FOXN3: variants seen among roughly 807,000 people sequenced by gnomAD.
The protein encoded by FOXN3 is forkhead box protein N3.
Under a neutral mutation model 38.4 loss-of-function variants are expected in FOXN3, and 7 were observed. The ratio of observed to expected loss-of-function variants is 0.18; its 90% CI spans 0.10 to 0.34. The LOEUF (loss-of-function observed/expected upper bound fraction) is 0.34. Among genes scored for constraint, FOXN3 ranks in the 10% least tolerant of loss-of-function variants. The probability of loss-of-function intolerance (pLI) is 1.00; values close to 1 mark genes in which losing one functional copy is unlikely to be tolerated. For synonymous variants in FOXN3, 230 were observed against 242.2 expected, an observed-to-expected ratio of 0.95 and a Z score of 0.47; for missense variants, 456 against 613.4, an observed-to-expected ratio of 0.74 and a Z score of 2.71.
At chr14:89,446,362 T>C (rs1892500502) in intron 1 of FOXN3, among the ~76,000 whole-genome samples, 1 of 151,806 alleles carries the variant, frequency 6.6e-6, no homozygotes, top group East Asian at 1.9e-4. Context: ...CTAATTTTTG[T>C]GTTTTTGGTA....
chr14:89,284,334 A>G (rs1886550520), intron 3 of FOXN3: 2 of 388,594 alleles, frequency 5.1e-6, no homozygotes, highest in Non-Finnish European at 1.0e-5. Context: ...ATAGGGAGAC[A>G]GACAGAGGTC....
chr14:89,362,152 T>A (rs1196071059), intron 2 of FOXN3, among the ~76,000 whole-genome samples: 3 of 14,776 alleles, frequency 2.0e-4, no homozygotes, highest in Admixed American at 1.0e-3. Context: ...CAGCACCACC[T>A]CCACCACCAC....
chr14:89,183,817 C>T (rs1163639395), intron 4 of FOXN3: 1 of 152,164 alleles, frequency 6.6e-6, no homozygotes, highest in Admixed American at 6.5e-5. Context: ...CCCTGCGCTG[C>T]AGCAGCTGAC....
At chr14:89,345,562 C>T (rs753782435) in intron 3 of FOXN3, among the ~76,000 whole-genome samples, 9 of 152,026 alleles carry the variant, frequency 5.9e-5, no homozygotes, top group African/African-American at 1.9e-4. Flanking sequence ...GTGGTGATTT[C>T]GGAGATTTTA....
chr14:89,420,654 T>C (rs1891879235), upstream of FOXN3, among the ~76,000 whole-genome samples: 1 of 152,214 alleles, frequency 6.6e-6, no homozygotes, highest in African/African-American at 2.4e-5. Flanking sequence ...ACTCATTCAC[T>C]GAACAAATAT....
chr14:89,506,913 G>A (rs1263093323), intron 1 of FOXN3, among the ~76,000 whole-genome samples: 1 of 152,150 alleles, frequency 6.6e-6, no homozygotes. Context: ...TTGTTAAACA[G>A]ATGCTTGAAG....
At chr14:89,426,912 A>G (rs1176606439) in intron 1 of FOXN3, among the ~76,000 whole-genome samples, 1 of 152,030 alleles carries the variant, frequency 6.6e-6, no homozygotes, top group Non-Finnish European at 1.5e-5. Context: ...CGTGGGGTAC[A>G]AGGGAGACAA....
chr14:89,600,033 T>C (rs1054631219), intron 1 of FOXN3, among the ~76,000 whole-genome samples: 1 of 152,244 alleles, frequency 6.6e-6, no homozygotes, highest in Non-Finnish European at 1.5e-5. Context: ...AACCCAGATC[T>C]TGGTTCTGCA....
chr14:89,519,832 T>C (rs564686273), intron 1 of FOXN3, among the ~76,000 whole-genome samples: 1 of 152,172 alleles, frequency 6.6e-6, no homozygotes, highest in East Asian at 1.9e-4. Flanking sequence ...AGCAGCATAG[T>C]TTCTCTTGCA....
chr14:89,315,061 G>A (rs1446760932), intron 3 of FOXN3, among the ~76,000 whole-genome samples: 1 of 151,990 alleles, frequency 6.6e-6, no homozygotes, highest in Admixed American at 6.6e-5. Context: ...CTTGATAGAT[G>A]TTCTTTGATA....
intron 2 of FOXN3, among the ~76,000 whole-genome samples, chr14:89,375,894 C>T (rs1222339060): frequency 1.3e-5 from 2 of 152,156 alleles, no homozygotes; most frequent in Non-Finnish European, 2.9e-5. Flanking sequence ...AATTCTCCTG[C>T]CTCAGCCTCC....
intron 1 of FOXN3, chr14:89,577,583 G>A: frequency 6.6e-6 from 1 of 152,112 alleles, no homozygotes; most frequent in East Asian, 1.9e-4. Flanking sequence ...CAATCACGGG[G>A]AATTTCTAAT....
At chr14:89,604,353 A>G (rs1173319380) in intron 1 of FOXN3, among the ~76,000 whole-genome samples, 3 of 152,180 alleles carry the variant, frequency 2.0e-5, no homozygotes, top group African/African-American at 7.2e-5. Flanking sequence ...GCCAACAAAG[A>G]CTTCAAACTT....
In FOXN3 at chr14:89,288,654, GTAATAGGCACTCTCTTT is replaced by G. The variant is rs1566947454; in HGVS notation, c.681-7657_681-7641del. On this transcript the variant is annotated intron_variant, in intron 3 of 5. Coordinates refer to ENST00000557258, the MANE Select transcript of FOXN3 (RefSeq NM_005197.4). ...ATGGAAACGACATACTCCAAAGGCT[GTAATAGGCACTCTCTTT>G]CTCTCTCTCTCTCTCTCTCTCTCTC... 3.9e-3 allele frequency among the ~76,000 whole-genome samples: 269 copies of G among 68,154 alleles called. 53 individuals carry two copies. The highest frequency in any genetic ancestry group is 4.6e-3 in the East Asian group (7 of 1,530). The allele number at this position is 68,154 out of a possible 152,430, so 44.7% of individuals were successfully genotyped here.
chr14:89,418,954 T>C (rs1891835376), upstream of FOXN3, among the ~76,000 whole-genome samples: 1 of 104,804 alleles, frequency 9.5e-6, no homozygotes, highest in South Asian at 3.3e-4. Flanking sequence ...GTCCCCCAGC[T>C]ACACTCACAC....
chr14:89,355,277 G>A (rs1199927459), intron 2 of FOXN3: 1 of 151,238 alleles, frequency 6.6e-6, no homozygotes, highest in African/African-American at 2.4e-5. Flanking sequence ...GCCCAGGCTG[G>A]AATGCAGTGG....
At chr14:89,211,125 T>C (rs904820235) in intron 4 of FOXN3, among the ~76,000 whole-genome samples, 28 of 152,376 alleles carry the variant, frequency 1.8e-4, no homozygotes, top group African/African-American at 6.0e-4. Flanking sequence ...TAGAATATAC[T>C]GTGTCCCACC....
intron 4 of FOXN3, among the ~76,000 whole-genome samples, chr14:89,276,005 A>G (rs987283516): frequency 6.6e-6 from 1 of 152,218 alleles, no homozygotes; most frequent in Non-Finnish European, 1.5e-5. Context: ...GGCCAGGCAC[A>G]GTGGCTTAAG....
At chr14:89,288,883 T>C (rs975427277) in intron 3 of FOXN3, among the ~76,000 whole-genome samples, 5 of 151,116 alleles carry the variant, frequency 3.3e-5, no homozygotes, top group African/African-American at 4.9e-5. Flanking sequence ...ATAATTTCTC[T>C]TAACATTGAA....
Sources: gnomAD v4.1 joint callset for allele counts (sites outside exome capture counted in the v4.1 genomes callset) on GRCh38, gnomAD v4.1.1 for gene constraint, MANE v1.5 for transcripts, NCBI Gene and HGNC (gene_info 2026-07-23, HGNC 2026-07-21) for gene names.